The following DUSP13B variants were observed in gnomAD, a reference collection of about 807,000 sequenced individuals.
DUSP13B encodes the protein dual specificity phosphatase 13B.
the DUSP13B span, chr10:75,101,813 C>G: frequency 7.8e-7 from 1 of 1,274,080 alleles, no homozygotes; most frequent in Non-Finnish European, 1.1e-6. Context: ...CCTCATTACC[C>G]AGCATGCTCA....
the DUSP13B span, among the ~76,000 whole-genome samples, chr10:75,096,784 A>G: frequency 2.6e-5 from 4 of 152,188 alleles, no homozygotes; most frequent in Admixed American, 2.6e-4. Context: ...AAATATTACT[A>G]GGATCACTGT....
the DUSP13B span, among the ~76,000 whole-genome samples, chr10:75,103,367 G>A: frequency 6.6e-6 from 1 of 152,058 alleles, no homozygotes; most frequent in Non-Finnish European, 1.5e-5. Flanking sequence ...GTGTAGAGCA[G>A]GTCTTCAGAC....
the DUSP13B span, chr10:75,099,491 G>C: frequency 1.6e-6 from 2 of 1,231,962 alleles, no homozygotes; most frequent in Non-Finnish European, 2.0e-6. Flanking sequence ...CTGCCTGAGC[G>C]GAACAGGGCT....
At chr10:75,108,660 G>A in the DUSP13B span, among the ~76,000 whole-genome samples, 1 of 152,188 alleles carries the variant, frequency 6.6e-6, no homozygotes, top group Non-Finnish European at 1.5e-5. Flanking sequence ...ATCCAGAGGA[G>A]GGAGGCTGGG....
the DUSP13B span, chr10:75,108,229 C>T: frequency 1.3e-6 from 2 of 1,576,012 alleles, no homozygotes; most frequent in South Asian, 1.2e-5. Context: ...GCAGGAAGGG[C>T]ACTTGATGCC....
chr10:75,107,980 C>G, the DUSP13B span: 1 of 1,605,894 alleles, frequency 6.2e-7, no homozygotes, highest in African/African-American at 1.3e-5. Flanking sequence ...GGGCTTGGAC[C>G]CCAAGTCCTA....
chr10:75,102,019 T>A, the DUSP13B span: 1 of 1,229,192 alleles, frequency 8.1e-7, no homozygotes, highest in Non-Finnish European at 1.1e-6. Context: ...TCTTCCAGCC[T>A]CCCCTGCCAC....
At chr10:75,098,036 C>CCCCAGCTGAGCT in the DUSP13B span, 2 of 679,226 alleles carry the variant, frequency 2.9e-6, no homozygotes, top group Non-Finnish European at 4.6e-6. Context: ...ACAAGCTCAG[C>CCCCAGCTGAGCT]TGGGGCTGAG....
chr10:75,100,924 CA>C, the DUSP13B span, among the ~76,000 whole-genome samples: 67 of 152,250 alleles, frequency 4.4e-4, no homozygotes, highest in Non-Finnish European at 7.3e-4. Flanking sequence ...TTCCTTGGGG[CA>C]GGGGGCAGCT....
the DUSP13B span, among the ~76,000 whole-genome samples, chr10:75,106,662 A>G: frequency 6.6e-6 from 1 of 152,152 alleles, no homozygotes; most frequent in East Asian, 1.9e-4. Flanking sequence ...AGTAGCTCTC[A>G]CTATACTATT....
At chr10:75,097,599 A>T in the DUSP13B span, 1 of 968,796 alleles carries the variant, frequency 1.0e-6, no homozygotes, top group Non-Finnish European at 1.4e-6. Context: ...AGACGGTGGG[A>T]GGCAAGCGTG....
the DUSP13B span, chr10:75,109,123 T>C: frequency 6.2e-7 from 1 of 1,608,326 alleles, no homozygotes; most frequent in South Asian, 1.1e-5. Context: ...GGCTTTGTCC[T>C]CTCCCCCCAG....
the DUSP13B span, among the ~76,000 whole-genome samples, chr10:75,106,061 T>TGGGATAG: frequency 2.0e-5 from 3 of 152,060 alleles, no homozygotes; most frequent in Non-Finnish European, 4.4e-5. Flanking sequence ...TGCCTACCCT[T>TGGGATAG]GGGATAGGGT....
the DUSP13B span, among the ~76,000 whole-genome samples, chr10:75,100,658 C>T: frequency 2.6e-5 from 4 of 152,332 alleles, no homozygotes; most frequent in Non-Finnish European, 4.4e-5. Flanking sequence ...TCCCTGATCC[C>T]GTGCTCCTCC....
the DUSP13B span, chr10:75,099,015 G>A: frequency 4.1e-6 from 5 of 1,232,356 alleles, no homozygotes; most frequent in Non-Finnish European, 5.1e-6. Context: ...TACAGGCCCT[G>A]GGTTTTCCTC....
chr10:75,095,762 C>A, the DUSP13B span: 3 of 1,614,212 alleles, frequency 1.9e-6, no homozygotes, highest in Non-Finnish European at 1.7e-6. Context: ...TGATTCCCAG[C>A]TGGATCAGCT....
At chr10:75,104,655 C>T in the DUSP13B span, among the ~76,000 whole-genome samples, 1 of 152,178 alleles carries the variant, frequency 6.6e-6, no homozygotes, top group African/African-American at 2.4e-5. Context: ...AGACCTTCTA[C>T]CCACAGAGCT....
the DUSP13B span, chr10:75,094,568 C>T: frequency 7.9e-7 from 1 of 1,266,880 alleles, no homozygotes; most frequent in Non-Finnish European, 1.1e-6. Context: ...CCTCAGCCCC[C>T]ACTTGCTGTT....
At chr10:75,101,885 C>T in the DUSP13B span, 1 of 1,367,154 alleles carries the variant, frequency 7.3e-7, no homozygotes, top group Non-Finnish European at 9.8e-7. Context: ...GTATCTGGCC[C>T]AGGCTGTGCA....
Sources: allele counts gnomAD v4.1 joint callset (sites outside exome capture counted in the v4.1 genomes callset), GRCh38; gene constraint gnomAD v4.1.1; transcripts MANE v1.5; gene names NCBI Gene and HGNC (gene_info 2026-07-23, HGNC 2026-07-21).